NRK: variants seen among roughly 807,000 people sequenced by gnomAD.
NRK encodes the protein Nik related kinase, also known as nik-related protein kinase.
NRK carries 67 observed loss-of-function variants against 125.2 expected under a neutral mutation model. That is an observed-to-expected ratio of 0.54 (90% CI 0.44 to 0.66). The LOEUF (loss-of-function observed/expected upper bound fraction) is 0.66, where lower values mean the gene tolerates loss of function less well. NRK is among the 30% of genes least tolerant of loss of function. The pLI is 0.00. For synonymous variants in NRK, 458 were observed against 429.0 expected (o/e 1.07, Z -0.84); for missense variants, 1,224 against 1,192.9 (o/e 1.03, Z -0.38).
intron 17 of NRK, among the ~76,000 whole-genome samples, chrX:105,922,506 T>C (rs2040464946): frequency 8.9e-6 from 1 of 112,073 alleles, no homozygotes; most frequent in Admixed American, 9.4e-5. Context: ...ATGTTTAAAT[T>C]GTTCTAATGC....
At chrX:105,868,960 C>T (rs957774992) in intron 2 of NRK, among the ~76,000 whole-genome samples, 1 of 109,906 alleles carries the variant, frequency 9.1e-6, no homozygotes, top group Admixed American at 9.8e-5. Context: ...AACTCAAGTT[C>T]GTAATTAAAA....
intron 2 of NRK, among the ~76,000 whole-genome samples, chrX:105,862,667 A>T (rs1313876505): frequency 8.9e-6 from 1 of 112,182 alleles, no homozygotes; most frequent in Non-Finnish European, 1.9e-5. Flanking sequence ...TGATGTACAA[A>T]CTATATAGAG....
At position 105,955,645 on chromosome X, in the gene NRK, G is replaced by A. The variant is rs1200275495; in HGVS notation, c.*45G>A. The A allele has an allele frequency of 3.1e-6, 2 of 636,372 alleles. No individual in the cohort carries two copies. The highest frequency in any genetic ancestry group is 5.1e-6 in the Non-Finnish European group (2 of 395,019). The allele number at this position is 636,372 out of a possible 1,213,427, so 52.4% of individuals were successfully genotyped here. Reference sequence around the variant, plus strand: ...ACCACATTATAAACATCATGTATAGGCAGTCTGCATCTTCAGATTTCAGAG... The same window carrying A: ...ACCACATTATAAACATCATGTATAGACAGTCTGCATCTTCAGATTTCAGAG... On this transcript the variant is annotated 3_prime_UTR_variant, in exon 29 of 29. Transcript: ENST00000243300.
upstream of NRK, among the ~76,000 whole-genome samples, chrX:105,821,810 GAGAA>G (rs1189154765): frequency 1.6e-4 from 18 of 111,808 alleles, no homozygotes; most frequent in Non-Finnish European, 3.0e-4. Context: ...CTGCGCACCT[GAGAA>G]CAGGTGCTGT....
At position 105,909,089 on chromosome X, in the gene NRK, C is replaced by A; in HGVS notation, c.1448C>A (p.Ala483Glu). Residue 483 changes from alanine to glutamate, a missense_variant, in exon 13 of 29, where the codon GCA becomes GAA. Physicochemically the swap from Ala to Glu is moderately radical, Grantham distance 107 (BLOSUM62 -1). Transcript: ENST00000243300. ...RAARVLMPLQAQVRAPRLLQV... is the reference protein window; with the variant it reads ...RAARVLMPLQEQVRAPRLLQV... ...GCCAGGGTGCTCATGCCACTACAGGCACAGGTTAGGGCACCTAGGCTTCTG... is the reference window on the plus strand; with the variant it reads ...GCCAGGGTGCTCATGCCACTACAGGAACAGGTTAGGGCACCTAGGCTTCTG... 2.5e-6 allele frequency: 3 copies of A among 1,211,026 alleles called. No homozygotes were observed. Among genetic ancestry groups the A allele is most frequent in the African/African-American group, 1.7e-5 (1 of 57,818 alleles).
At chrX:105,950,240 G>A (rs1371094603) in intron 27 of NRK, among the ~76,000 whole-genome samples, 1 of 111,088 alleles carries the variant, frequency 9.0e-6, no homozygotes, top group Non-Finnish European at 1.9e-5. Context: ...TGACTGGAGT[G>A]CTTGTTAGGT....
intron 2 of NRK, among the ~76,000 whole-genome samples, chrX:105,864,094 G>A (rs768298249): frequency 1.7e-4 from 19 of 112,187 alleles, no homozygotes; most frequent in Non-Finnish European, 3.2e-4. Context: ...GACTTTATTT[G>A]GAATGTATAA....
At chrX:105,923,593 G>A in intron 18 of NRK, 111 bp downstream of exon 18, 1 of 464,333 alleles carries the variant, frequency 2.2e-6, no homozygotes, top group African/African-American at 2.5e-5. Context: ...AATTTCACTT[G>A]CATTTTAGTA....
At chrX:105,938,744 A>AT (rs1426969215) in intron 22 of NRK, among the ~76,000 whole-genome samples, 2 of 111,955 alleles carry the variant, frequency 1.8e-5, no homozygotes, top group African/African-American at 3.2e-5. Flanking sequence ...AAGAAATAGA[A>AT]TAGCGGTAGT....
At chrX:105,917,743 C>A in intron 16 of NRK, 71 bp downstream of exon 16, 1 of 530,161 alleles carries the variant, frequency 1.9e-6, no homozygotes, top group South Asian at 4.3e-5. Context: ...TTTCAGAAGT[C>A]AAGAAAGAAG....
At chrX:105,896,548 C>T (rs1185132980) in intron 7 of NRK, among the ~76,000 whole-genome samples, 1 of 111,542 alleles carries the variant, frequency 9.0e-6, no homozygotes, top group Non-Finnish European at 1.9e-5. Flanking sequence ...TTTTAAAATA[C>T]ATAAGGAGAG....
rs372377329 is a variant in NRK, at chrX:105,923,308, A to G, written c.2801A>G (p.Asp934Gly). 5.7e-5 allele frequency: 68 copies of G among 1,191,673 alleles called. No homozygotes were observed. The African/African-American group carries it at 1.1e-3, about 19-fold the overall frequency. ...YDASADTDGD[D>G]DDESNDTFED... is the part of the protein sequence containing the mutation. ...GCCAGTGCTGATACTGATGGTGATG[A>G]TGATGATGAGTCTAATGATACTTTT... is the stretch of plus-strand genomic sequence containing the variant. The change falls in exon 18 of 29, where the codon GAT (aspartate) becomes GGT (glycine). Residue 934 changes from aspartate to glycine, a missense_variant. Transcript: ENST00000243300.
chrX:105,838,061 C>G lies in NRK; in HGVS notation c.123+6942C>G, dbSNP rs756310414. Among the ~76,000 whole-genome samples, 3 of 111,051 alleles carry G rather than the reference C, an allele frequency of 2.7e-5. No homozygotes were observed. The East Asian group carries it at 8.6e-4, about 32-fold the overall frequency. On this transcript the variant is annotated intron_variant, in intron 2 of 28. Coordinates refer to ENST00000243300, the MANE Select transcript of NRK (RefSeq NM_198465.4). Reference sequence around the variant, plus strand: ...CTATAATCTCCAGGCTTTCTTCTGGCTCTGAGATATTGCACCTAGCACAGT... The same window carrying G: ...CTATAATCTCCAGGCTTTCTTCTGGGTCTGAGATATTGCACCTAGCACAGT...
At chrX:105,935,050 TA>T (rs986793432) in intron 20 of NRK, 119 bp from the exon 21 acceptor site, 22 of 516,828 alleles carry the variant, frequency 4.3e-5, no homozygotes, top group East Asian at 2.1e-4. Flanking sequence ...AGGAGTAATT[TA>T]AAAAAAATTT....
At chrX:105,949,242 G>A (rs2040859410) in intron 26 of NRK, among the ~76,000 whole-genome samples, 1 of 111,806 alleles carries the variant, frequency 8.9e-6, no homozygotes, top group Non-Finnish European at 1.9e-5. Context: ...TTAAACCCAA[G>A]TCTATAACAA....
intron 2 of NRK, among the ~76,000 whole-genome samples, chrX:105,868,581 G>A (rs771919444): frequency 1.8e-5 from 2 of 111,116 alleles, no homozygotes; most frequent in South Asian, 7.5e-4. Context: ...TGTTTGGGTA[G>A]CCTTAACTCA....
At chrX:105,840,025 G>C (rs774170943) in intron 2 of NRK, among the ~76,000 whole-genome samples, 4 of 111,757 alleles carry the variant, frequency 3.6e-5, no homozygotes, top group African/African-American at 9.7e-5. Flanking sequence ...GAGACTCAGG[G>C]GACCAAATTA....
At chrX:105,854,325 T>A (rs886333634) in intron 2 of NRK, among the ~76,000 whole-genome samples, 1 of 111,969 alleles carries the variant, frequency 8.9e-6, no homozygotes, top group African/African-American at 3.2e-5. Flanking sequence ...ATAAACCTTG[T>A]CAATCCAGTT....
chrX:105,903,961 A>G (rs1220919551), intron 9 of NRK, among the ~76,000 whole-genome samples: 1 of 112,236 alleles, frequency 8.9e-6, no homozygotes, highest in African/African-American at 3.2e-5. Context: ...AGTTATAAAA[A>G]TGCATCTTCT....
Sources: allele counts gnomAD v4.1 joint callset (sites outside exome capture counted in the v4.1 genomes callset), GRCh38; gene constraint gnomAD v4.1.1; transcripts MANE v1.5; gene names NCBI Gene and HGNC (gene_info 2026-07-23, HGNC 2026-07-21).